Variants in KPNA6 observed in about 807,000 individuals in gnomAD.
KPNA6 encodes the protein importin subunit alpha-7.
Under a neutral mutation model 72.0 loss-of-function variants are expected in KPNA6, and 9 were observed. That is an observed-to-expected ratio of 0.13 (90% CI 0.08 to 0.22). The LOEUF (loss-of-function observed/expected upper bound fraction) is 0.22, where lower values mean the gene tolerates loss of function less well. Ranked by LOEUF, KPNA6 falls within the 10% of genes least tolerant of loss-of-function variation. The pLI is 1.00. For synonymous variants in KPNA6, 219 were observed against 242.1 expected, an observed-to-expected ratio of 0.90 and a Z score of 0.89; for missense variants, 374 against 655.7, an observed-to-expected ratio of 0.57 and a Z score of 4.69.
At chr1:32,142,866 C>A in intron 1 of KPNA6, 1 of 1,029,780 alleles carries the variant, frequency 9.7e-7, no homozygotes, top group Non-Finnish European at 1.3e-6. Context: ...TCTGCTTCCC[C>A]AGTGAAGTCA....
intron 1 of KPNA6, among the ~76,000 whole-genome samples, chr1:32,118,181 C>T (rs1017420598): frequency 2.0e-5 from 3 of 152,138 alleles, no homozygotes; most frequent in Non-Finnish European, 2.9e-5. Context: ...GCCTCAGCCT[C>T]CCAAAGTGCT....
chr1:32,161,902 G>A (rs754635095), intron 7 of KPNA6, 45 bp from the exon 8 acceptor site: 1 of 1,457,564 alleles, frequency 6.9e-7, no homozygotes, highest in Non-Finnish European at 9.6e-7. Context: ...ACAGTCCTAT[G>A]CCAAGGCCTC....
At chr1:32,155,577 C>T (rs982473190) in intron 2 of KPNA6, among the ~76,000 whole-genome samples, 8 of 151,998 alleles carry the variant, frequency 5.3e-5, no homozygotes, top group South Asian at 2.1e-4. Flanking sequence ...CAGATCTGCC[C>T]GCCTCAGCCT....
At chr1:32,127,409 C>T (rs1641554617) in intron 1 of KPNA6, among the ~76,000 whole-genome samples, 1 of 152,180 alleles carries the variant, frequency 6.6e-6, no homozygotes. Context: ...CACATGGGGC[C>T]TTAGAATATT....
At chr1:32,133,042 A>G (rs1203894063) in intron 1 of KPNA6, among the ~76,000 whole-genome samples, 1 of 151,560 alleles carries the variant, frequency 6.6e-6, no homozygotes, top group Non-Finnish European at 1.5e-5. Flanking sequence ...GCCCCAGAGT[A>G]TTTTTTTAAG....
chr1:32,159,569 G>A (rs1041029994), intron 6 of KPNA6, 38 bp downstream of exon 6: 17 of 1,592,838 alleles, frequency 1.1e-5, no homozygotes, highest in Non-Finnish European at 1.5e-5. Context: ...TATAGTACCT[G>A]TGGTATAATA....
chr1:32,141,354 C>G (rs1227088771), intron 1 of KPNA6, among the ~76,000 whole-genome samples: 1 of 44,410 alleles, frequency 2.3e-5, no homozygotes, highest in Admixed American at 2.1e-4. Flanking sequence ...TCCATTAGGG[C>G]TTTTTTTTTT....
intron 10 of KPNA6, among the ~76,000 whole-genome samples, chr1:32,163,636 C>T (rs942165993): frequency 6.6e-6 from 1 of 152,160 alleles, no homozygotes; most frequent in Non-Finnish European, 1.5e-5. Flanking sequence ...CTTTGAGATA[C>T]TGAAAGCTAT....
At chr1:32,128,450 T>C (rs1314997596) in intron 1 of KPNA6, among the ~76,000 whole-genome samples, 7 of 142,684 alleles carry the variant, frequency 4.9e-5, no homozygotes, top group Non-Finnish European at 1.1e-4. Context: ...CATATATATA[T>C]ACACATTTTT....
At chr1:32,133,964 C>T (rs1641688249) in intron 1 of KPNA6, among the ~76,000 whole-genome samples, 1 of 151,522 alleles carries the variant, frequency 6.6e-6, no homozygotes, top group Non-Finnish European at 1.5e-5. Context: ...TGCTTGAGGC[C>T]AGGCGTGGTG....
At chr1:32,159,221 G>A (rs2124072385) in intron 5 of KPNA6, among the ~76,000 whole-genome samples, 179 bp from the exon 6 acceptor site, 1 of 152,320 alleles carries the variant, frequency 6.6e-6, no homozygotes, top group South Asian at 2.1e-4. Flanking sequence ...GAGGGGAAAG[G>A]CTTGTATTTT....
At chr1:32,112,766 T>G (rs1641263021) in intron 1 of KPNA6, among the ~76,000 whole-genome samples, 1 of 152,124 alleles carries the variant, frequency 6.6e-6, no homozygotes, top group South Asian at 2.1e-4. Flanking sequence ...GCTGGGATTA[T>G]AGGCATGCAT....
chr1:32,164,679 C>T (rs1642299823), intron 10 of KPNA6, among the ~76,000 whole-genome samples: 1 of 149,094 alleles, frequency 6.7e-6, no homozygotes. Flanking sequence ...GCTTATTGGC[C>T]ATCTGTGTAT....
At chr1:32,127,917 A>G (rs78183640) in intron 1 of KPNA6, among the ~76,000 whole-genome samples, 1,788 of 152,286 alleles carry the variant, frequency 0.012, 19 homozygotes, top group Non-Finnish European at 0.017. Flanking sequence ...GAAGGTAGAA[A>G]CAATTACACA....
chr1:32,130,665 A>C (rs1351705570), intron 1 of KPNA6, among the ~76,000 whole-genome samples: 3 of 151,796 alleles, frequency 2.0e-5, no homozygotes, highest in Non-Finnish European at 4.4e-5. Flanking sequence ...GCATGCCTGT[A>C]GTCCCAGCTG....
At chr1:32,112,426 T>C (rs1033106218) in intron 1 of KPNA6, among the ~76,000 whole-genome samples, 2 of 152,192 alleles carry the variant, frequency 1.3e-5, no homozygotes, top group South Asian at 2.1e-4. Flanking sequence ...ATAAAAGTTA[T>C]CTTTATACTA....
At chr1:32,158,667 A>T (rs2124071150) in intron 5 of KPNA6, among the ~76,000 whole-genome samples, 2 of 152,242 alleles carry the variant, frequency 1.3e-5, no homozygotes, top group Middle Eastern at 3.4e-3. Context: ...ACTTATCCCC[A>T]TCCCACCCCC....
intron 1 of KPNA6, among the ~76,000 whole-genome samples, chr1:32,139,203 C>T (rs1371662856): frequency 6.6e-6 from 1 of 152,118 alleles, no homozygotes; most frequent in African/African-American, 2.4e-5. Flanking sequence ...ACAACTCTGC[C>T]TTTGTGGAAC....
intron 1 of KPNA6, among the ~76,000 whole-genome samples, chr1:32,119,364 A>G (rs1641391923): frequency 6.6e-6 from 1 of 151,974 alleles, no homozygotes; most frequent in Admixed American, 6.6e-5. Context: ...TAAATTTACT[A>G]GTCTTTGTCT....
Sources: gnomAD v4.1 joint callset for allele counts (sites outside exome capture counted in the v4.1 genomes callset) on GRCh38, gnomAD v4.1.1 for gene constraint, MANE v1.5 for transcripts, NCBI Gene and HGNC (gene_info 2026-07-23, HGNC 2026-07-21) for gene names.